The following GLDC variants were observed in gnomAD, a reference collection of about 807,000 sequenced individuals.
GLDC encodes glycine dehydrogenase (decarboxylating), mitochondrial.
In GLDC, 104 loss-of-function variants were observed where a neutral mutation model predicts 121.3. The observed-to-expected ratio is 0.86, with a 90% confidence interval of 0.73 to 1.01. GLDC has a LOEUF of 1.01. Ranked by LOEUF, GLDC falls within the 50% of genes least tolerant of loss-of-function variation. GLDC has a pLI of 0.00. For synonymous variants in GLDC, 546 were observed against 480.6 expected (o/e 1.14, Z -1.78); for missense variants, 1,429 against 1,306.6 (o/e 1.09, Z -1.44).
At chr9:6,570,300 G>T (rs781068098) in intron 15 of GLDC, among the ~76,000 whole-genome samples, 1 of 152,096 alleles carries the variant, frequency 6.6e-6, no homozygotes, top group Admixed American at 6.5e-5. Context: ...AAAAGACCAC[G>T]CTGTGGATTC....
intron 21 of GLDC, among the ~76,000 whole-genome samples, chr9:6,545,133 C>G (rs1817361060): frequency 2.6e-5 from 4 of 152,036 alleles, no homozygotes; most frequent in Middle Eastern, 3.4e-3. Context: ...ATCATCTTAC[C>G]TGAGGTAATT....
chr9:6,597,074 T>A (rs1818506415), intron 8 of GLDC, among the ~76,000 whole-genome samples: 1 of 152,230 alleles, frequency 6.6e-6, no homozygotes, highest in African/African-American at 2.4e-5. Context: ...CATGCTACAA[T>A]ATGGATGAAC....
At chr9:6,559,334 G>C (rs1377539608) in intron 16 of GLDC, among the ~76,000 whole-genome samples, 1 of 151,782 alleles carries the variant, frequency 6.6e-6, no homozygotes, top group African/African-American at 2.4e-5. Context: ...GGCCAACATG[G>C]TGAAACCCCG....
At chr9:6,558,417 A>T in intron 17 of GLDC, 142 bp downstream of exon 17, 1 of 924,606 alleles carries the variant, frequency 1.1e-6, no homozygotes. Flanking sequence ...TGGGAGGGGT[A>T]GAGTAGACTC....
chr9:6,622,285 T>G (rs1272827435), intron 2 of GLDC, among the ~76,000 whole-genome samples: 5 of 151,148 alleles, frequency 3.3e-5, no homozygotes, highest in African/African-American at 1.2e-4. Context: ...TCTCCCTCTT[T>G]CCACGGGCCG....
chr9:6,573,815 C>T (rs1818011250), intron 15 of GLDC, among the ~76,000 whole-genome samples: 1 of 152,100 alleles, frequency 6.6e-6, no homozygotes, highest in African/African-American at 2.4e-5. Context: ...CTTCAGAGGA[C>T]CACTCTCAAG....
intron 8 of GLDC, among the ~76,000 whole-genome samples, chr9:6,595,399 G>A (rs1243708145): frequency 6.6e-6 from 1 of 152,118 alleles, no homozygotes; most frequent in Non-Finnish European, 1.5e-5. Context: ...ACCCTTAAGG[G>A]CAAAGATCAC....
intron 15 of GLDC, among the ~76,000 whole-genome samples, chr9:6,585,701 G>A (rs948612705): frequency 6.6e-6 from 1 of 152,174 alleles, no homozygotes; most frequent in Non-Finnish European, 1.5e-5. Context: ...TGAGGCTGCT[G>A]GTAGAGAACT....
chr9:6,643,681 CTA>C (rs1819673528), intron 2 of GLDC, among the ~76,000 whole-genome samples: 1 of 151,894 alleles, frequency 6.6e-6, no homozygotes, highest in Admixed American at 6.6e-5. Flanking sequence ...CTAAGAAAGT[CTA>C]TGACTAAACT....
intron 8 of GLDC, among the ~76,000 whole-genome samples, chr9:6,597,751 A>G (rs1818518641): frequency 6.6e-6 from 1 of 152,034 alleles, no homozygotes; most frequent in Admixed American, 6.6e-5. Context: ...CCTGGCTAAC[A>G]TGGTGAAACC....
At chr9:6,612,331 G>A (rs571049673) in intron 3 of GLDC, among the ~76,000 whole-genome samples, 41 of 151,748 alleles carry the variant, frequency 2.7e-4, no homozygotes, top group East Asian at 1.9e-3. Flanking sequence ...TCAAAGTCTC[G>A]ATATTGTACT....
intron 21 of GLDC, among the ~76,000 whole-genome samples, chr9:6,545,567 C>G (rs1008810809): frequency 6.6e-6 from 1 of 152,118 alleles, no homozygotes; most frequent in African/African-American, 2.4e-5. Flanking sequence ...ACTTTGTGAA[C>G]GCTGTACACT....
Position 6,553,110 on chromosome 9 carries a change from C to A in GLDC, c.2457+258G>T, listed in dbSNP as rs573112701. On this transcript the variant is annotated intron_variant, in intron 20 of 24. Transcript: ENST00000321612. ...CTTAGCTGTGTCTGGAAAAATATATCTGATGTTTCAGTTTCTCTGATGTTA... is the reference window on the plus strand; with the variant it reads ...CTTAGCTGTGTCTGGAAAAATATATATGATGTTTCAGTTTCTCTGATGTTA... Among the ~76,000 whole-genome samples the A allele has an allele frequency of 8.5e-5, 13 of 152,232 alleles. 1 individual carries two copies. The highest frequency in any genetic ancestry group is 2.9e-4 in the African/African-American group (12 of 41,544).
In GLDC at chr9:6,605,246, G is replaced by A. The variant is rs754710330; in HGVS notation, c.746C>T (p.Pro249Leu). 6.8e-6 allele frequency: 11 copies of A among 1,613,488 alleles called. No individual in the cohort carries two copies. In the African/African-American group the frequency reaches 9.3e-5, roughly 14 times the overall value. Residue 249 changes from proline to leucine, a missense_variant, in exon 6 of 25, where the codon CCC (proline) becomes CTC (leucine). Pro to Leu is a moderately conservative substitution (Grantham distance 98). Coordinates refer to ENST00000321612, the MANE Select transcript of GLDC (RefSeq NM_000170.3). ...TTTTCCACTGAAGTCCATTTCACAGGGTAACTTCAGCTCAGTGAGGACTCC... is the reference window on the plus strand; with the variant it reads ...TTTTCCACTGAAGTCCATTTCACAGAGTAACTTCAGCTCAGTGAGGACTCC... ...YTGVLTELKL[P>L]CEMDFSGKDV...
chr9:6,563,403 G>A (rs1817795333), intron 16 of GLDC, among the ~76,000 whole-genome samples: 1 of 152,356 alleles, frequency 6.6e-6, no homozygotes. Context: ...AAGCAGTGGA[G>A]GAGTCGGGTG....
chr9:6,572,992 T>A (rs1364649461), intron 15 of GLDC, among the ~76,000 whole-genome samples: 1 of 152,188 alleles, frequency 6.6e-6, no homozygotes, highest in Non-Finnish European at 1.5e-5. Context: ...ATCAAAGTTG[T>A]TTTTTATTTG....
chr9:6,591,082 C>T (rs1233148821), intron 11 of GLDC, among the ~76,000 whole-genome samples: 1 of 152,228 alleles, frequency 6.6e-6, no homozygotes, highest in African/African-American at 2.4e-5. Flanking sequence ...TAGGTAGCTA[C>T]TGTCGGCTCT....
chr9:6,625,304 G>T (rs1345016025), intron 2 of GLDC, among the ~76,000 whole-genome samples: 2 of 152,142 alleles, frequency 1.3e-5, no homozygotes, highest in Non-Finnish European at 2.9e-5. Context: ...ATGGGAAAGG[G>T]AAGCAATATG....
intron 11 of GLDC, chr9:6,591,888 G>T: frequency 3.5e-6 from 1 of 287,722 alleles, no homozygotes; most frequent in East Asian, 9.3e-5. Flanking sequence ...ACCATCCCCA[G>T]CCTAGAGGCA....
Sources: gnomAD v4.1 joint callset for allele counts (sites outside exome capture counted in the v4.1 genomes callset) on GRCh38, gnomAD v4.1.1 for gene constraint, MANE v1.5 for transcripts, NCBI Gene and HGNC (gene_info 2026-07-23, HGNC 2026-07-21) for gene names.